PPP1R2: variants seen among roughly 807,000 people sequenced by gnomAD.
The protein encoded by PPP1R2 is protein phosphatase 1 regulatory inhibitor subunit 2.
PPP1R2 carries 16 observed loss-of-function variants against 29.9 expected under a neutral mutation model. The observed-to-expected ratio is 0.53, with a 90% CI of 0.36 to 0.81. The LOEUF (loss-of-function observed/expected upper bound fraction) is 0.81. PPP1R2 is among the 30% of genes least tolerant of loss of function. PPP1R2 has a pLI of 0.00. For synonymous variants in PPP1R2, 76 were observed against 91.5 expected, an observed-to-expected ratio of 0.83 and a Z score of 0.96; for missense variants, 197 against 252.7, an observed-to-expected ratio of 0.78 and a Z score of 1.49.
chr3:195,515,125 C>T lies in PPP1R2; in HGVS notation c.*1771G>A, dbSNP rs1718498150. The T allele has an allele frequency of 5.2e-6, 1 of 191,920 alleles. No individual in the cohort carries two copies. Among genetic ancestry groups the T allele is most frequent in the Non-Finnish European group, 1.2e-5 (1 of 82,742 alleles). The allele number at this position is 191,920 out of a possible 1,614,324, so 11.9% of individuals were successfully genotyped here. A position where few individuals can be genotyped will look rare whatever the true frequency, so the allele number is the denominator to read the frequency against. On this transcript the variant is annotated 3_prime_UTR_variant, in exon 6 of 6. Coordinates refer to ENST00000618156, the MANE Select transcript of PPP1R2 (RefSeq NM_006241.8). ...CATGTACAGACTTAATCTCTACATC[C>T]CCCAAGACAGATTTAAACAGGTAAT...
intron 1 of PPP1R2, among the ~76,000 whole-genome samples, chr3:195,532,798 C>A (rs972792650): frequency 6.6e-6 from 1 of 151,784 alleles, no homozygotes; most frequent in Admixed American, 6.6e-5. Context: ...TTTAAAAAAA[C>A]CTTAAAAGTT....
At chr3:195,523,537 C>T (rs1329261191) in intron 4 of PPP1R2, among the ~76,000 whole-genome samples, 155 bp downstream of exon 4, 4 of 152,182 alleles carry the variant, frequency 2.6e-5, no homozygotes, top group Admixed American at 6.5e-5. Context: ...CACAACAAAA[C>T]ACACAAGTAG....
chr3:195,543,282 C>G lies in PPP1R2; in HGVS notation c.-257G>C. 2.7e-6 allele frequency: 1 copy of G among 365,514 alleles called. No homozygotes were observed. The highest frequency in any genetic ancestry group is 4.9e-6 in the Non-Finnish European group (1 of 204,208). 22.6% of individuals were successfully genotyped at this position (365,514 alleles called of 1,614,324 possible). ...ACTTGACCCGCGGCTCGCGGAGAGA[C>G]GCCGGCCTAGAGCTCCAGCGCAGGA... On this transcript the variant is annotated 5_prime_UTR_variant, in exon 1 of 6. Coordinates refer to ENST00000618156, the MANE Select transcript of PPP1R2 (RefSeq NM_006241.8).
At chr3:195,542,806 C>G (rs924365798) in intron 1 of PPP1R2, 98 bp downstream of exon 1, 57 of 1,395,424 alleles carry the variant, frequency 4.1e-5, no homozygotes, top group Non-Finnish European at 4.7e-5. Flanking sequence ...GAGCGGCACC[C>G]GAGCCGCATC....
rs555452953 is a variant in PPP1R2, at chr3:195,518,599, C to T, written c.571+419G>A. On this transcript the variant is annotated intron_variant, in intron 5 of 5. Transcript: ENST00000618156. Reference sequence around the variant, plus strand: ...CCAGGAGGCGGAGCTTGCAGTGAGCCGAGATCACGCCACTGCACTCCAGCC... The same window carrying T: ...CCAGGAGGCGGAGCTTGCAGTGAGCTGAGATCACGCCACTGCACTCCAGCC... Among the ~76,000 whole-genome samples, 15 of 151,240 alleles carry T rather than the reference C, an allele frequency of 9.9e-5. No individual in the cohort carries two copies. In the East Asian group the frequency reaches 2.7e-3, roughly 28 times the overall value.
At chr3:195,533,918 A>C (rs1486661459) in intron 1 of PPP1R2, among the ~76,000 whole-genome samples, 1 of 152,246 alleles carries the variant, frequency 6.6e-6, no homozygotes, top group African/African-American at 2.4e-5. Context: ...ATGGTTTGAT[A>C]ATTTTAGAAA....
chr3:195,540,446 C>T (rs1719552649), intron 1 of PPP1R2, among the ~76,000 whole-genome samples: 1 of 152,060 alleles, frequency 6.6e-6, no homozygotes, highest in Non-Finnish European at 1.5e-5. Context: ...TGTTTCTGTT[C>T]AAAGAGGATC....
intron 3 of PPP1R2, 53 bp from the exon 4 acceptor site, chr3:195,523,839 A>C: frequency 6.9e-7 from 1 of 1,442,034 alleles, no homozygotes; most frequent in Non-Finnish European, 9.7e-7. Context: ...GATATTATTT[A>C]AGCGCCTTAT....
chr3:195,535,500 G>C (rs987575703), intron 1 of PPP1R2, among the ~76,000 whole-genome samples: 1 of 152,246 alleles, frequency 6.6e-6, no homozygotes, highest in African/African-American at 2.4e-5. Flanking sequence ...ATTTACGACA[G>C]TGCCAATCAA....
chr3:195,517,321 T>C (rs1718582024), intron 5 of PPP1R2, among the ~76,000 whole-genome samples: 1 of 151,746 alleles, frequency 6.6e-6, no homozygotes, highest in Non-Finnish European at 1.5e-5. Flanking sequence ...ATTGTGTGAA[T>C]GGGGGAGGAA....
At chr3:195,531,537 G>A (rs976320405) in intron 1 of PPP1R2, among the ~76,000 whole-genome samples, 1 of 152,170 alleles carries the variant, frequency 6.6e-6, no homozygotes, top group Non-Finnish European at 1.5e-5. Flanking sequence ...ACTCTTGCAG[G>A]TGACTTCGTA....
chr3:195,532,682 T>G (rs1719232707), intron 1 of PPP1R2, among the ~76,000 whole-genome samples: 1 of 152,188 alleles, frequency 6.6e-6, no homozygotes, highest in Admixed American at 6.5e-5. Context: ...TTGAACTGTG[T>G]GGGTCCACTT....
chr3:195,521,336 A>AAAAAAAAAC, intron 4 of PPP1R2, among the ~76,000 whole-genome samples: 2 of 150,930 alleles, frequency 1.3e-5, no homozygotes, highest in Non-Finnish European at 3.0e-5. Flanking sequence ...AAAAAAAAAA[A>AAAAAAAAAC]AAGAACTGCA....
chr3:195,519,636 T>C (rs1718678682), intron 4 of PPP1R2: 1 of 152,210 alleles, frequency 6.6e-6, no homozygotes, highest in Non-Finnish European at 1.5e-5. Flanking sequence ...TAATATTTTA[T>C]TATTTTCTAT....
intron 5 of PPP1R2, 90 bp downstream of exon 5, chr3:195,518,928 G>A (rs1718652269): frequency 6.5e-7 from 1 of 1,538,802 alleles, no homozygotes; most frequent in Non-Finnish European, 8.7e-7. Context: ...AAAATTTTCT[G>A]TTTTTTCACA....
rs1006317935 is a variant in PPP1R2, at chr3:195,531,749, A to G, written c.123-1848T>C. ...AAGCACTAGCCATTACGAAGTGTAC[A>G]ATTCTATGGCATTAAGAACATCACA... is the stretch of plus-strand genomic sequence containing the variant. On this transcript the variant is annotated intron_variant, in intron 1 of 5. Coordinates refer to ENST00000618156, the MANE Select transcript of PPP1R2 (RefSeq NM_006241.8). Among the ~76,000 whole-genome samples, 14 of 152,312 alleles carry G rather than the reference A, an allele frequency of 9.2e-5. No individual in the cohort carries two copies. In the East Asian group the frequency reaches 2.5e-3, roughly 27 times the overall value.
chr3:195,520,488 T>C (rs904436535), intron 4 of PPP1R2, among the ~76,000 whole-genome samples: 1 of 152,140 alleles, frequency 6.6e-6, no homozygotes. Context: ...AGTACACGAC[T>C]GTGGTCCCAG....
At chr3:195,529,256 T>C (rs954916138) in intron 2 of PPP1R2, 1 of 152,286 alleles carries the variant, frequency 6.6e-6, no homozygotes, top group Non-Finnish European at 1.5e-5. Context: ...GTCTTCATAC[T>C]GGTTACTGCT....
intron 4 of PPP1R2, 52 bp from the exon 5 acceptor site, chr3:195,519,237 A>G: frequency 7.6e-7 from 1 of 1,317,086 alleles, no homozygotes; most frequent in Non-Finnish European, 1.1e-6. Context: ...GGATTGGCCC[A>G]TGCCTGTTTT....
Sources: allele counts gnomAD v4.1 joint callset (sites outside exome capture counted in the v4.1 genomes callset), GRCh38; gene constraint gnomAD v4.1.1; transcripts MANE v1.5; gene names NCBI Gene and HGNC (gene_info 2026-07-23, HGNC 2026-07-21).